The following SRP72 variants were observed in gnomAD, a reference collection of about 807,000 sequenced individuals.
The protein encoded by SRP72 is signal recognition particle 72, also known as signal recognition particle subunit SRP72.
Under a neutral mutation model 96.3 loss-of-function variants are expected in SRP72, and 49 were observed. That is an observed-to-expected ratio of 0.51 (90% CI 0.40 to 0.65). The LOEUF (loss-of-function observed/expected upper bound fraction) is 0.65, where lower values mean the gene tolerates loss of function less well. SRP72 is among the 30% of genes least tolerant of loss of function. The probability of loss-of-function intolerance (pLI) is 0.00; values close to 1 mark genes in which losing one functional copy is unlikely to be tolerated. For synonymous variants in SRP72, 267 were observed against 275.2 expected (o/e 0.97, Z 0.30); for missense variants, 736 against 793.3 (o/e 0.93, Z 0.87).
chr4:56,500,355 TAAAG>T (rs1721220624), intron 17 of SRP72, 177 bp from the exon 18 acceptor site: 1 of 615,526 alleles, frequency 1.6e-6, no homozygotes, highest in African/African-American at 1.8e-5. Context: ...TCCCAGAACT[TAAAG>T]TATAATAATT....
intron 17 of SRP72, among the ~76,000 whole-genome samples, chr4:56,496,471 G>A (rs570511869): frequency 2.0e-5 from 3 of 152,246 alleles, no homozygotes; most frequent in Admixed American, 2.0e-4. Context: ...CTTGAAAATT[G>A]GCAAACATTT....
Position 56,471,750 on chromosome 4 carries a change from C to T in SRP72, c.261C>T (p.Cys87=), listed in dbSNP as rs374375786. Residue 87 remains cysteine (C), a synonymous_variant, in exon 3 of 19, where the codon TGC becomes TGT. Coordinates refer to ENST00000642900, the MANE Select transcript of SRP72 (RefSeq NM_006947.4). ...NNSLSFEKAY[C]EYRLNRIENA... ...CTCTCTCCTTTGAAAAGGCATATTGCGAGTACAGGCTGAACAGAATTGAGA... is the reference window on the plus strand; with the variant it reads ...CTCTCTCCTTTGAAAAGGCATATTGTGAGTACAGGCTGAACAGAATTGAGA... 40 of 1,613,348 alleles carry T rather than the reference C, an allele frequency of 2.5e-5. No homozygotes were observed. In the African/African-American group the frequency reaches 3.9e-4, roughly 16 times the overall value.
chr4:56,489,727 A>G (rs147002837), intron 13 of SRP72, among the ~76,000 whole-genome samples: 10 of 152,228 alleles, frequency 6.6e-5, no homozygotes, highest in African/African-American at 2.4e-4. Flanking sequence ...GTATGTGTAC[A>G]TGCATTTGTG....
Position 56,478,634 on chromosome 4 carries a change from C to T in SRP72, c.810C>T (p.Ile270=). 1 of 1,613,880 alleles carries T rather than the reference C, an allele frequency of 6.2e-7. No individual in the cohort carries two copies. The highest frequency in any genetic ancestry group is 8.5e-7 in the Non-Finnish European group (1 of 1,179,916). ...TACTAGCTGTAATTGCAAATAACAT[C>T]ATTACCATTAACAAGGTATGGAGTA... ...VGLLAVIANN[I]ITINKDQNVF... Residue 270 remains isoleucine, a synonymous_variant, in exon 8 of 19, where the codon ATC becomes ATT. Transcript: ENST00000642900.
At chr4:56,485,846 T>G (rs188807513) in intron 10 of SRP72, among the ~76,000 whole-genome samples, 1 of 152,176 alleles carries the variant, frequency 6.6e-6, no homozygotes, top group Non-Finnish European at 1.5e-5. Context: ...TGACTGCCTC[T>G]GTACTGAACA....
At chr4:56,482,592 C>T (rs754194686) in intron 8 of SRP72, among the ~76,000 whole-genome samples, 2 of 152,056 alleles carry the variant, frequency 1.3e-5, no homozygotes, top group East Asian at 1.9e-4. Flanking sequence ...TGCTTTATTG[C>T]GGTAGTCTGG....
intron 6 of SRP72, chr4:56,476,968 A>G (rs577394292): frequency 5.0e-6 from 2 of 403,054 alleles, no homozygotes; most frequent in African/African-American, 4.2e-5. Context: ...AGGATGTAGG[A>G]CTAAGGTCTT....
intron 3 of SRP72, among the ~76,000 whole-genome samples, chr4:56,472,131 C>G (rs1182111874): frequency 6.6e-6 from 1 of 152,060 alleles, no homozygotes; most frequent in Non-Finnish European, 1.5e-5. Flanking sequence ...GCACATTGAG[C>G]TTGTATATTA....
chr4:56,484,332 C>G, intron 9 of SRP72, among the ~76,000 whole-genome samples: 1 of 151,894 alleles, frequency 6.6e-6, no homozygotes, highest in Non-Finnish European at 1.5e-5. Flanking sequence ...CCACGCCCGG[C>G]CGAGAGACAG....
At chr4:56,474,802 A>G (rs768430792) in intron 5 of SRP72, among the ~76,000 whole-genome samples, 2 of 152,178 alleles carry the variant, frequency 1.3e-5, no homozygotes, top group Non-Finnish European at 2.9e-5. Flanking sequence ...CTTGTGCCTC[A>G]GCCTCCCAAG....
chr4:56,484,956 G>T, intron 10 of SRP72, 92 bp downstream of exon 10: 1 of 1,428,706 alleles, frequency 7.0e-7, no homozygotes, highest in East Asian at 2.5e-5. Flanking sequence ...TAAATTTAAT[G>T]GGAAAACTAA....
At chr4:56,484,208 G>T (rs952983654) in intron 9 of SRP72, among the ~76,000 whole-genome samples, 3 of 151,394 alleles carry the variant, frequency 2.0e-5, no homozygotes, top group African/African-American at 7.3e-5. Flanking sequence ...TAATTTACTT[G>T]TATTTTTAGT....
intron 3 of SRP72, 88 bp from the exon 4 acceptor site, chr4:56,473,963 CCTA>C (rs1425051215): frequency 1.1e-5 from 14 of 1,296,406 alleles, no homozygotes; most frequent in Non-Finnish European, 1.5e-5. Flanking sequence ...AACTAGGATT[CCTA>C]CTTAGTGGTT....
intron 11 of SRP72, among the ~76,000 whole-genome samples, chr4:56,487,277 C>T (rs867425451): frequency 6.6e-6 from 1 of 152,088 alleles, no homozygotes. Flanking sequence ...CTTAGTAGGG[C>T]AATAATGAAA....
intron 6 of SRP72, among the ~76,000 whole-genome samples, chr4:56,477,907 G>T (rs963154162): frequency 2.0e-5 from 3 of 152,128 alleles, no homozygotes; most frequent in Admixed American, 6.5e-5. Context: ...TTTTTGTATG[G>T]TGTTAATTGG....
intron 11 of SRP72, among the ~76,000 whole-genome samples, chr4:56,487,565 T>C (rs1720757920): frequency 6.6e-6 from 1 of 152,136 alleles, no homozygotes; most frequent in Non-Finnish European, 1.5e-5. Flanking sequence ...TAGGAAATTT[T>C]CCATTGCACT....
rs1319306919 is a variant in SRP72, at chr4:56,485,402, A to C, written c.1086+538A>C. On this transcript the variant is annotated intron_variant, in intron 10 of 18. Coordinates refer to ENST00000642900, the MANE Select transcript of SRP72 (RefSeq NM_006947.4). ...CACCGCCCCTTCTCTCCCCACAGCAAAAAAAAAAAAAAAAAAAAATCTATT... is the reference window on the plus strand; with the variant it reads ...CACCGCCCCTTCTCTCCCCACAGCACAAAAAAAAAAAAAAAAAAATCTATT... Among the ~76,000 whole-genome samples, 13 of 103,430 alleles carry C rather than the reference A, an allele frequency of 1.3e-4. 1 individual carries two copies. The highest frequency in any genetic ancestry group is 1.8e-4 in the Admixed American group (2 of 10,918). 67.9% of individuals were successfully genotyped at this position (103,430 alleles called of 152,430 possible).
intron 17 of SRP72, 36 bp from the exon 18 acceptor site, chr4:56,500,500 T>C: frequency 1.3e-6 from 2 of 1,596,144 alleles, no homozygotes; most frequent in Non-Finnish European, 1.7e-6. Flanking sequence ...GAAAATATTA[T>C]GACACATCTC....
intron 5 of SRP72, 71 bp from the exon 6 acceptor site, chr4:56,476,600 G>A: frequency 1.3e-6 from 2 of 1,503,918 alleles, no homozygotes; most frequent in Admixed American, 1.7e-5. Flanking sequence ...TTTAGATCTT[G>A]CTCTTTGGAA....
Sources: gnomAD v4.1 joint callset for allele counts (sites outside exome capture counted in the v4.1 genomes callset) on GRCh38, gnomAD v4.1.1 for gene constraint, MANE v1.5 for transcripts, NCBI Gene and HGNC (gene_info 2026-07-23, HGNC 2026-07-21) for gene names.